The following PIH1D2 variants were observed in gnomAD, a reference collection of about 807,000 sequenced individuals.
PIH1D2 encodes PIH1 domain containing 2.
In PIH1D2, 25 loss-of-function variants were observed where a neutral mutation model predicts 31.2. The ratio of observed to expected loss-of-function variants is 0.80; its 90% confidence interval spans 0.58 to 1.12. The LOEUF (loss-of-function observed/expected upper bound fraction) is 1.12, where lower values mean the gene tolerates loss of function less well. Among genes scored for constraint, PIH1D2 ranks in the 50% most tolerant of loss-of-function variants. PIH1D2 has a pLI of 0.00. For missense variants in PIH1D2, 310 were observed against 356.6 expected, an observed-to-expected ratio of 0.87 and a Z score of 1.05; for synonymous variants, 116 against 119.9, an observed-to-expected ratio of 0.97 and a Z score of 0.21.
At chr11:112,063,686 GA>G (rs1275227067), downstream of PIH1D2, 1 of 152,318 alleles carries the variant, frequency 6.6e-6, no homozygotes, top group Non-Finnish European at 1.5e-5. Context: ...CTATTGGAGA[GA>G]AAAAATTAAC....
chr11:112,060,990 G>A, downstream of PIH1D2: 1 of 1,505,392 alleles, frequency 6.6e-7, no homozygotes, highest in Non-Finnish European at 9.0e-7. Flanking sequence ...CAAGTTTTCT[G>A]ATTTATGTTG....
At chr11:112,062,294 A>T, downstream of PIH1D2, 1 of 1,112,678 alleles carries the variant, frequency 9.0e-7, no homozygotes, top group Non-Finnish European at 1.3e-6. Flanking sequence ...AAGAGTAGAT[A>T]GGAAGTATTA....
intron 1 of PIH1D2, 115 bp from the exon 2 acceptor site, chr11:112,073,320 G>C (rs1003753428): frequency 2.8e-5 from 18 of 646,960 alleles, no homozygotes; most frequent in Non-Finnish European, 4.3e-5. Flanking sequence ...GACAGCATTT[G>C]TGTCTAAAAG....
chr11:112,058,229 A>G (rs934258417), downstream of PIH1D2, among the ~76,000 whole-genome samples: 1 of 152,202 alleles, frequency 6.6e-6, no homozygotes, highest in Non-Finnish European at 1.5e-5. Context: ...TTACTGTCTC[A>G]AAGGGAAGAT....
Position 112,071,081 on chromosome 11 carries a change from TCC to T in PIH1D2, c.502_503del (p.Gly168AsnfsTer4), listed in dbSNP as rs782358462. ...TTAAATCTATGGAATCAGTTTGGAT[TCC>T]CATCAGATTTTGTTTCATTCTTTGA... is the stretch of plus-strand genomic sequence containing the variant. ...SIQRMKQNLMGIQTDSIDLRE... is the reference protein window; with the variant it reads ...SIQRMKQNLMXIQTDSIDLRE... On this transcript the variant is annotated frameshift_variant, in exon 4 of 6. Coordinates refer to ENST00000280350, the MANE Select transcript of PIH1D2 (RefSeq NM_138789.4). LOFTEE classifies it high-confidence loss of function. 3.2e-5 allele frequency: 51 copies of T among 1,613,586 alleles called. No homozygotes were observed. Among genetic ancestry groups the T allele is most frequent in the Non-Finnish European group, 4.2e-5 (49 of 1,179,776 alleles).
In PIH1D2 at chr11:112,071,756, T is replaced by C; in HGVS notation, c.180A>G (p.Lys60=). The change falls in exon 3 of 6, where the codon AAA becomes AAG. Residue 60 remains lysine, a splice_region_variant and synonymous_variant. Coordinates refer to ENST00000280350, the MANE Select transcript of PIH1D2 (RefSeq NM_138789.4). ...PQLCLQTRIL[K]PKEKILFINL... is the part of the protein sequence containing the mutation. Reference sequence around the variant, plus strand: ...TGATAAAAAGTATTTTTTCTTTTGGTTTCTGGAAAGCAAATAATTTTGCAC... The same window carrying C: ...TGATAAAAAGTATTTTTTCTTTTGGCTTCTGGAAAGCAAATAATTTTGCAC... The C allele has an allele frequency of 1.2e-6, 2 of 1,614,082 alleles. No homozygotes were observed. Among genetic ancestry groups the C allele is most frequent in the Non-Finnish European group, 8.5e-7 (1 of 1,179,956 alleles).
the PIH1D2 span, among the ~76,000 whole-genome samples, chr11:112,057,009 A>G: frequency 6.6e-6 from 1 of 152,174 alleles, no homozygotes; most frequent in Non-Finnish European, 1.5e-5. Flanking sequence ...TCTGTGTCAC[A>G]TTTTGGCAAT....
the PIH1D2 span, among the ~76,000 whole-genome samples, chr11:112,052,788 G>A: frequency 6.6e-6 from 1 of 152,092 alleles, no homozygotes; most frequent in Non-Finnish European, 1.5e-5. Context: ...TCAGTGGGTA[G>A]AGCTAAAAGT....
At chr11:112,064,357 A>G (rs1414696558), downstream of PIH1D2, 1 of 696,064 alleles carries the variant, frequency 1.4e-6, no homozygotes, top group African/African-American at 1.8e-5. Context: ...TTTGGTTCAT[A>G]TGATTATTTA....
downstream of PIH1D2, among the ~76,000 whole-genome samples, chr11:112,067,555 C>A (rs1409524378): frequency 5.8e-4 from 85 of 146,182 alleles, no homozygotes; most frequent in Non-Finnish European, 9.0e-5. Flanking sequence ...ATCCCAGCTA[C>A]TCGGGAGGCT....
chr11:112,071,097 T>G lies in PIH1D2; in HGVS notation c.488A>C (p.Lys163Thr). Residue 163 changes from lysine (K) to threonine (T), a missense_variant, in exon 4 of 6, where the codon AAA (lysine) becomes ACA (threonine). Transcript: ENST00000280350. The part of the protein sequence containing the change: ...FRIKGSIQRM[K>T]QNLMGIQTDS... The stretch of plus-strand genomic sequence containing the variant: ...AGTTTGGATTCCCATCAGATTTTGT[T>G]TCATTCTTTGAATGCTTCCTTTTAT... The G allele has an allele frequency of 6.2e-7, 1 of 1,613,848 alleles. No homozygotes were observed. Among genetic ancestry groups the G allele is most frequent in the Non-Finnish European group, 8.5e-7 (1 of 1,179,848 alleles).
intron 2 of PIH1D2, 43 bp from the exon 3 acceptor site, chr11:112,071,801 A>G: frequency 6.2e-7 from 1 of 1,609,006 alleles, no homozygotes; most frequent in Non-Finnish European, 8.5e-7. Context: ...CCTAGTTTAA[A>G]ACCATTTAAG....
At chr11:112,059,682 C>G (rs1004719375), downstream of PIH1D2, among the ~76,000 whole-genome samples, 16 of 152,138 alleles carry the variant, frequency 1.1e-4, no homozygotes, top group Non-Finnish European at 1.9e-4. Flanking sequence ...CATGAGCCAC[C>G]GTTCCCGGAC....
intron 5 of PIH1D2, among the ~76,000 whole-genome samples, chr11:112,068,586 C>A (rs1381443985): frequency 2.0e-5 from 3 of 152,026 alleles, no homozygotes; most frequent in Non-Finnish European, 2.9e-5. Flanking sequence ...GAGTTCGAGA[C>A]CAACATGGGC....
chr11:112,070,726 G>A, intron 4 of PIH1D2, 25 bp from the exon 5 acceptor site: 1 of 1,599,450 alleles, frequency 6.3e-7, no homozygotes, highest in South Asian at 1.1e-5. Flanking sequence ...GGGTGGAGGG[G>A]AGATAAAAAA....
chr11:112,056,958 G>A, the PIH1D2 span, among the ~76,000 whole-genome samples: 1 of 152,122 alleles, frequency 6.6e-6, no homozygotes, highest in Non-Finnish European at 1.5e-5. Context: ...CAAGCAAGTT[G>A]ATGGCACCAT....
downstream of PIH1D2, chr11:112,064,166 A>G (rs782809422): frequency 6.4e-7 from 1 of 1,565,486 alleles, no homozygotes; most frequent in Non-Finnish European, 8.7e-7. Flanking sequence ...TGGTTCAAAC[A>G]TTCAAAACTT....
chr11:112,061,052 G>A (rs185907405), downstream of PIH1D2: 71 of 1,601,940 alleles, frequency 4.4e-5, no homozygotes, highest in Admixed American at 3.6e-4. Flanking sequence ...GCACTTTTAC[G>A]ATCTCCAATT....
the PIH1D2 span, among the ~76,000 whole-genome samples, chr11:112,053,377 C>T: frequency 2.0e-5 from 3 of 152,088 alleles, no homozygotes; most frequent in Non-Finnish European, 2.9e-5. Context: ...TGCTCCATGG[C>T]TTAGAGTGAC....
Sources: allele counts gnomAD v4.1 joint callset (sites outside exome capture counted in the v4.1 genomes callset), GRCh38; gene constraint gnomAD v4.1.1; transcripts MANE v1.5; gene names NCBI Gene and HGNC (gene_info 2026-07-23, HGNC 2026-07-21).